The following NAV2 variants were observed in gnomAD, a reference collection of about 807,000 sequenced individuals.
The protein encoded by NAV2 is neuron navigator 2.
NAV2 carries 54 observed loss-of-function variants against 223.2 expected under a neutral mutation model. That is an observed-to-expected ratio of 0.24 (90% CI 0.19 to 0.30). The LOEUF (loss-of-function observed/expected upper bound fraction) is 0.30. Ranked by LOEUF, NAV2 falls within the 10% of genes least tolerant of loss-of-function variation. The pLI, the probability that NAV2 is intolerant of heterozygous loss-of-function variation, is 1.00. For missense variants in NAV2, 2,806 were observed against 3,147.5 expected (o/e 0.89, Z 2.60); for synonymous variants, 1,279 against 1,239.3 (o/e 1.03, Z -0.67).
rs115507000 is a variant in NAV2, at chr11:19,661,371, C to T, written c.76-171113C>T. Among the ~76,000 whole-genome samples the T allele has an allele frequency of 7.9e-3, 1,209 of 152,184 alleles. 17 individuals carry two copies. Among genetic ancestry groups the T allele is most frequent in the African/African-American group, 0.028 (1,152 of 41,526 alleles). On this transcript the variant is annotated intron_variant, in intron 1 of 37. Transcript: ENST00000360655. Reference sequence around the variant, plus strand: ...TCTTCCATGGATACTTGGGTTGCTTCTATATTTTGGCTATTGTCAGAGTGC... The same window carrying T: ...TCTTCCATGGATACTTGGGTTGCTTTTATATTTTGGCTATTGTCAGAGTGC...
chr11:19,390,516 C>A (rs1849205559), intron 1 of NAV2, among the ~76,000 whole-genome samples: 1 of 152,172 alleles, frequency 6.6e-6, no homozygotes, highest in Non-Finnish European at 1.5e-5. Flanking sequence ...ATAGGCAAAA[C>A]TCCTGGACAG....
chr11:19,409,024 C>T (rs1037331919), intron 1 of NAV2, among the ~76,000 whole-genome samples: 3 of 151,914 alleles, frequency 2.0e-5, no homozygotes, highest in Admixed American at 6.5e-5. Context: ...GAGGGGGGCT[C>T]TTGGAGGATC....
chr11:19,925,892 CA>C (rs1485421373), intron 6 of NAV2, among the ~76,000 whole-genome samples: 1 of 152,034 alleles, frequency 6.6e-6, no homozygotes, highest in Non-Finnish European at 1.5e-5. Flanking sequence ...ACCATATGTG[CA>C]AAGGTTTATT....
rs1255033607 is a variant in NAV2, at chr11:20,056,654, G to A, written c.4831+697G>A. 2.0e-6 allele frequency: 3 copies of A among 1,490,322 alleles called. No individual in the cohort carries two copies. The African/African-American group carries it at 4.1e-5, about 21-fold the overall frequency. The allele number at this position is 1,490,322 out of a possible 1,614,324, so 92.3% of individuals were successfully genotyped here. On this transcript the variant is annotated intron_variant, in intron 19 of 37. Coordinates refer to ENST00000349880, the MANE Select transcript of NAV2 (RefSeq NM_145117.5). The stretch of plus-strand genomic sequence containing the variant: ...GTGAGTAAGCAGTCAAAATTCTGTG[G>A]AGGATATCATCCCCACCCCATGAAG...
chr11:19,976,183 T>C (rs2049724175), intron 10 of NAV2, among the ~76,000 whole-genome samples: 1 of 152,148 alleles, frequency 6.6e-6, no homozygotes, highest in Non-Finnish European at 1.5e-5. Flanking sequence ...TTTTCTTTAG[T>C]GTGCACACAA....
At chr11:19,405,770 A>G (rs143460331) in intron 1 of NAV2, among the ~76,000 whole-genome samples, 182 of 152,380 alleles carry the variant, frequency 1.2e-3, no homozygotes, top group Non-Finnish European at 2.2e-3. Flanking sequence ...ATATCTGTGC[A>G]TGTGCCCAGC....
upstream of NAV2, among the ~76,000 whole-genome samples, chr11:19,708,040 A>AG (rs1292336074): frequency 6.6e-6 from 1 of 152,216 alleles, no homozygotes; most frequent in Non-Finnish European, 1.5e-5. Flanking sequence ...TTCTGCAGGT[A>AG]GGGGAACCCT....
intron 1 of NAV2, among the ~76,000 whole-genome samples, chr11:19,495,745 AT>A (rs1356446612): frequency 7.9e-5 from 12 of 152,136 alleles, no homozygotes; most frequent in African/African-American, 1.9e-4. Context: ...AAATATACAT[AT>A]TTTTATGTGT....
intron 10 of NAV2, among the ~76,000 whole-genome samples, chr11:19,976,332 T>C (rs2049743038): frequency 6.6e-6 from 1 of 152,116 alleles, no homozygotes. Flanking sequence ...GAGAGGCGTG[T>C]GTTGAGTTGA....
chr11:20,097,817 C>T (rs903850796), intron 31 of NAV2, 72 bp downstream of exon 31: 1 of 1,368,784 alleles, frequency 7.3e-7, no homozygotes, highest in East Asian at 2.5e-5. Flanking sequence ...GGCATAGGCA[C>T]TTGTGGCCCC....
At chr11:19,493,091 A>C (rs1481114153) in intron 1 of NAV2, among the ~76,000 whole-genome samples, 1 of 152,228 alleles carries the variant, frequency 6.6e-6, no homozygotes, top group Non-Finnish European at 1.5e-5. Flanking sequence ...AAGAATGTAC[A>C]TAAGGCACTT....
chr11:19,398,914 T>G (rs1000234207), intron 1 of NAV2, among the ~76,000 whole-genome samples: 1 of 152,226 alleles, frequency 6.6e-6, no homozygotes, highest in Non-Finnish European at 1.5e-5. Context: ...TCACTGTTGC[T>G]TAAGTCGCAG....
chr11:19,397,185 G>T (rs1849485762), intron 1 of NAV2, among the ~76,000 whole-genome samples: 1 of 152,230 alleles, frequency 6.6e-6, no homozygotes, highest in Non-Finnish European at 1.5e-5. Flanking sequence ...AGAGGGAACT[G>T]ATGTGTTTAG....
chr11:20,044,878 A>C (rs1357584993), intron 13 of NAV2, 90 bp from the exon 14 acceptor site: 69 of 1,063,270 alleles, frequency 6.5e-5, no homozygotes, highest in Non-Finnish European at 8.7e-5. Flanking sequence ...AAAGTGAACC[A>C]GCTCTTCAGA....
intron 10 of NAV2, among the ~76,000 whole-genome samples, chr11:19,974,468 A>G (rs1392260567): frequency 6.6e-6 from 1 of 152,232 alleles, no homozygotes. Flanking sequence ...CATCAGTTGC[A>G]ACAATGAACC....
At chr11:19,833,626 C>T (rs1009468239) in intron 2 of NAV2, among the ~76,000 whole-genome samples, 8 of 152,218 alleles carry the variant, frequency 5.3e-5, no homozygotes, top group African/African-American at 1.4e-4. Flanking sequence ...ACAAACTTAG[C>T]CACTTAAAAC....
At chr11:20,001,101 C>T (rs558341795) in intron 11 of NAV2, among the ~76,000 whole-genome samples, 20 of 152,242 alleles carry the variant, frequency 1.3e-4, no homozygotes, top group South Asian at 4.1e-4. Flanking sequence ...ACATCTAAGC[C>T]GGCTGCACCA....
chr11:19,643,321 C>A (rs369239439), intron 1 of NAV2, among the ~76,000 whole-genome samples: 15 of 126,728 alleles, frequency 1.2e-4, no homozygotes, highest in Non-Finnish European at 2.3e-4. Context: ...CCCCTCCCCC[C>A]ACCCCACGAC....
intron 24 of NAV2, among the ~76,000 whole-genome samples, chr11:20,078,782 A>G (rs1050794258): frequency 6.6e-6 from 1 of 152,172 alleles, no homozygotes; most frequent in Non-Finnish European, 1.5e-5. Flanking sequence ...TAAGTGAATT[A>G]TTTTGTCCTT....
Sources: allele counts gnomAD v4.1 joint callset (sites outside exome capture counted in the v4.1 genomes callset), GRCh38; gene constraint gnomAD v4.1.1; transcripts MANE v1.5; gene names NCBI Gene and HGNC (gene_info 2026-07-23, HGNC 2026-07-21).